Variants in PDZRN3 observed in about 807,000 individuals in gnomAD.
PDZRN3 encodes the protein PDZ domain containing ring finger 3.
Under a neutral mutation model 85.7 loss-of-function variants are expected in PDZRN3, and 38 were observed. The ratio of observed to expected loss-of-function variants is 0.44; its 90% confidence interval spans 0.34 to 0.58. PDZRN3 has a LOEUF of 0.58. Ranked by LOEUF, PDZRN3 falls within the 20% of genes least tolerant of loss-of-function variation. The probability of loss-of-function intolerance (pLI) is 0.01; values close to 1 mark genes in which losing one functional copy is unlikely to be tolerated. For missense variants in PDZRN3, 1,629 were observed against 1,506.4 expected (o/e 1.08, Z -1.35); for synonymous variants, 759 against 638.0 (o/e 1.19, Z -2.86).
chr3:73,384,832 G>C lies in PDZRN3; in HGVS notation c.1734C>G (p.Thr578=). The part of the protein sequence containing the change: ...DSGVGRTDES[T]RNDESSEQEN... ...CTTGCTCCGAGCTCTCGTCATTACG[G>C]GTGCTCTCGTCGGTCCGCCCCACAC... The change falls in exon 10 of 10, where the codon ACC becomes ACG. Residue 578 remains threonine (T), a synonymous_variant. Transcript: ENST00000263666. 2 of 1,614,152 alleles carry C rather than the reference G, an allele frequency of 1.2e-6. No individual in the cohort carries two copies. Among genetic ancestry groups the C allele is most frequent in the Non-Finnish European group, 1.7e-6 (2 of 1,180,044 alleles).
chr3:73,475,053 G>T (rs759439474), intron 3 of PDZRN3, among the ~76,000 whole-genome samples: 4 of 151,848 alleles, frequency 2.6e-5, no homozygotes, highest in Non-Finnish European at 4.4e-5. Context: ...AGCAAGTCCA[G>T]GCATTGAGTA....
chr3:73,520,421 T>C (rs2106727452), intron 3 of PDZRN3, among the ~76,000 whole-genome samples: 1 of 152,208 alleles, frequency 6.6e-6, no homozygotes, highest in Non-Finnish European at 1.5e-5. Flanking sequence ...GGAGGAACGC[T>C]TGAGCCCGGG....
intron 3 of PDZRN3, among the ~76,000 whole-genome samples, chr3:73,593,549 TC>T (rs1412395584): frequency 2.6e-5 from 4 of 152,174 alleles, no homozygotes; most frequent in Non-Finnish European, 4.4e-5. Context: ...CCTCTGCGTT[TC>T]CATACCTGGC....
chr3:73,439,999 A>C (rs940261183), intron 3 of PDZRN3, among the ~76,000 whole-genome samples: 5 of 152,042 alleles, frequency 3.3e-5, no homozygotes, highest in African/African-American at 1.2e-4. Flanking sequence ...CAGCCTCCCA[A>C]AGTGCTGACA....
chr3:73,417,159 G>A (rs186615570), intron 3 of PDZRN3, among the ~76,000 whole-genome samples: 45 of 152,110 alleles, frequency 3.0e-4, no homozygotes, highest in African/African-American at 8.9e-4. Context: ...CACCACACCT[G>A]GATGATTTTT....
At chr3:73,621,141 T>C (rs1486827924) in intron 1 of PDZRN3, among the ~76,000 whole-genome samples, 1 of 152,196 alleles carries the variant, frequency 6.6e-6, no homozygotes, top group Non-Finnish European at 1.5e-5. Flanking sequence ...TGTGTTAAGC[T>C]CTCCAGTGAC....
chr3:73,439,981 A>G (rs1276209886), intron 3 of PDZRN3, among the ~76,000 whole-genome samples: 2 of 151,412 alleles, frequency 1.3e-5, no homozygotes, highest in Non-Finnish European at 2.9e-5. Flanking sequence ...CAAATAATCC[A>G]CCCACCTCAG....
intron 3 of PDZRN3, among the ~76,000 whole-genome samples, chr3:73,515,788 T>A (rs954161578): frequency 6.6e-6 from 1 of 152,210 alleles, no homozygotes; most frequent in Non-Finnish European, 1.5e-5. Flanking sequence ...CATTTTCACA[T>A]GGATTTCAAT....
intron 5 of PDZRN3, among the ~76,000 whole-genome samples, chr3:73,397,558 C>T (rs568314714): frequency 1.4e-4 from 21 of 152,320 alleles, no homozygotes; most frequent in Non-Finnish European, 2.4e-4. Context: ...TATTAATTAA[C>T]CTTCTTGAAC....
Position 73,445,699 on chromosome 3 carries a change from C to T in PDZRN3, c.919-41304G>A, listed in dbSNP as rs6777940. 7.8e-4 allele frequency among the ~76,000 whole-genome samples: 119 copies of T among 152,316 alleles called. 5 individuals carry two copies. The East Asian group carries it at 0.021, about 27-fold the overall frequency. ...TCTGAGAAAATATAACAACTCAATA[C>T]ACTTGAGAGCCGGGTAAGAACTACT... On this transcript the variant is annotated intron_variant, in intron 3 of 9. Coordinates refer to ENST00000263666, the MANE Select transcript of PDZRN3 (RefSeq NM_015009.3).
At chr3:73,570,318 G>C (rs185729242) in intron 3 of PDZRN3, among the ~76,000 whole-genome samples, 1 of 152,210 alleles carries the variant, frequency 6.6e-6, no homozygotes. Flanking sequence ...AAGAGACAAC[G>C]AATGTTAACA....
At chr3:73,618,068 A>T (rs12630477) in intron 1 of PDZRN3, among the ~76,000 whole-genome samples, 1 of 152,270 alleles carries the variant, frequency 6.6e-6, no homozygotes, top group East Asian at 1.9e-4. Context: ...CACTGGACCT[A>T]TGTAAATGGG....
intron 3 of PDZRN3, among the ~76,000 whole-genome samples, chr3:73,597,937 T>G (rs1367146957): frequency 6.6e-6 from 1 of 152,152 alleles, no homozygotes; most frequent in Non-Finnish European, 1.5e-5. Flanking sequence ...GGTGATCCAA[T>G]GCTGTGCAAA....
intron 3 of PDZRN3, among the ~76,000 whole-genome samples, chr3:73,450,198 T>A (rs1242819178): frequency 6.6e-6 from 1 of 152,232 alleles, no homozygotes; most frequent in Non-Finnish European, 1.5e-5. Context: ...TTCCCTCTCA[T>A]GATGCCAGTC....
At chr3:73,487,069 A>C (rs186258744) in intron 3 of PDZRN3, among the ~76,000 whole-genome samples, 274 of 152,340 alleles carry the variant, frequency 1.8e-3, no homozygotes, top group African/African-American at 6.3e-3. Context: ...CATGAGAATC[A>C]AATGGATTTT....
At chr3:73,541,235 A>AT (rs1369646872) in intron 3 of PDZRN3, among the ~76,000 whole-genome samples, 1 of 152,172 alleles carries the variant, frequency 6.6e-6, no homozygotes, top group Admixed American at 6.5e-5. Context: ...CTTTAGAAAT[A>AT]TTTTTTTCTA....
At chr3:73,542,511 T>C (rs1277094967) in intron 3 of PDZRN3, among the ~76,000 whole-genome samples, 2 of 151,992 alleles carry the variant, frequency 1.3e-5, no homozygotes, top group Non-Finnish European at 2.9e-5. Context: ...TGGTGGCCCA[T>C]ATCTATAATA....
At chr3:73,403,593 G>A (rs576760180) in intron 4 of PDZRN3, among the ~76,000 whole-genome samples, 11 of 152,144 alleles carry the variant, frequency 7.2e-5, no homozygotes, top group African/African-American at 1.7e-4. Flanking sequence ...ACTCTTTATC[G>A]CTGGCAGAAA....
At chr3:73,491,843 C>A (rs969414576) in intron 3 of PDZRN3, among the ~76,000 whole-genome samples, 1 of 152,042 alleles carries the variant, frequency 6.6e-6, no homozygotes, top group Non-Finnish European at 1.5e-5. Flanking sequence ...TCAAGCAATC[C>A]TCCTGCCTCA....
Sources: allele counts gnomAD v4.1 joint callset (sites outside exome capture counted in the v4.1 genomes callset), GRCh38; gene constraint gnomAD v4.1.1; transcripts MANE v1.5; gene names NCBI Gene and HGNC (gene_info 2026-07-23, HGNC 2026-07-21).